The following F13A1 variants were observed in gnomAD, a reference collection of about 807,000 sequenced individuals.
The protein encoded by F13A1 is FSF, A subunit.
F13A1 carries 47 observed loss-of-function variants against 80.1 expected under a neutral mutation model. The observed-to-expected ratio is 0.59, with a 90% CI of 0.46 to 0.75. The LOEUF is 0.75. Ranked by LOEUF, F13A1 falls within the 30% of genes least tolerant of loss-of-function variation. F13A1 has a pLI of 0.00. For synonymous variants in F13A1, 349 were observed against 344.9 expected, an observed-to-expected ratio of 1.01 and a Z score of -0.13; for missense variants, 817 against 930.4, an observed-to-expected ratio of 0.88 and a Z score of 1.59.
chr6:6,318,489 G>T (rs371242244), intron 2 of F13A1, 46 bp downstream of exon 2: 2 of 1,584,912 alleles, frequency 1.3e-6, no homozygotes, highest in Non-Finnish European at 1.7e-6. Flanking sequence ...CCAGGGCCCG[G>T]CTGTGCCTGG....
At chr6:6,318,961 A>T (rs1381408712) in intron 1 of F13A1, among the ~76,000 whole-genome samples, 1 of 152,220 alleles carries the variant, frequency 6.6e-6, no homozygotes, top group Non-Finnish European at 1.5e-5. Context: ...TAAAAATTAA[A>T]AGATTTTTGG....
chr6:6,218,029 C>T (rs1414405264), intron 8 of F13A1, among the ~76,000 whole-genome samples: 1 of 152,128 alleles, frequency 6.6e-6, no homozygotes, highest in Non-Finnish European at 1.5e-5. Context: ...ACACTGCTCC[C>T]CCTGTGGGTG....
chr6:6,145,567 G>A lies in F13A1; in HGVS notation c.*52C>T. On this transcript the variant is annotated 3_prime_UTR_variant, in exon 15 of 15. Transcript: ENST00000264870. The stretch of plus-strand genomic sequence containing the variant: ...CTATTTTTGCGTTAGAATTTCCTTA[G>A]CCAAGACTACAAGAGGCCAAATGCC... The A allele has an allele frequency of 6.2e-7, 1 of 1,612,954 alleles. No homozygotes were observed. Among genetic ancestry groups the A allele is most frequent in the Non-Finnish European group, 8.5e-7 (1 of 1,179,032 alleles).
intron 8 of F13A1, among the ~76,000 whole-genome samples, chr6:6,212,856 C>T (rs1469698724): frequency 6.6e-6 from 1 of 152,062 alleles, no homozygotes; most frequent in African/African-American, 2.4e-5. Context: ...AGCTGAAAAG[C>T]AAGGCTCGAG....
intron 3 of F13A1, among the ~76,000 whole-genome samples, chr6:6,296,121 C>A (rs1294132069): frequency 6.6e-6 from 1 of 150,850 alleles, no homozygotes; most frequent in Non-Finnish European, 1.5e-5. Flanking sequence ...GTTTTGGTAC[C>A]AGTACTATGC....
rs149975306 is a variant in F13A1 at position 6,191,170 on chromosome 6, G to C, written c.1305+4627C>G. Among the ~76,000 whole-genome samples, 658 of 152,298 alleles carry C rather than the reference G, an allele frequency of 4.3e-3. 5 individuals are homozygous for C. The highest frequency in any genetic ancestry group is 0.015 in the African/African-American group (622 of 41,560). On this transcript the variant is annotated intron_variant, in intron 10 of 14. Coordinates refer to ENST00000264870, the MANE Select transcript of F13A1 (RefSeq NM_000129.4). ...ACCCGGTACCTCAGATGGAAATGCA[G>C]AAATCACCAGTCTTCTGCGTCACTC...
At chr6:6,319,743 T>C (rs1758744391) in intron 1 of F13A1, among the ~76,000 whole-genome samples, 1 of 152,112 alleles carries the variant, frequency 6.6e-6, no homozygotes, top group Non-Finnish European at 1.5e-5. Flanking sequence ...TGTGGAGCAC[T>C]AACAACATGC....
chr6:6,232,540 G>A (rs945065947), intron 6 of F13A1, among the ~76,000 whole-genome samples: 1 of 152,180 alleles, frequency 6.6e-6, no homozygotes, highest in Non-Finnish European at 1.5e-5. Context: ...CACTAGACAG[G>A]TCATCAAGAC....
chr6:6,232,548 G>C (rs1161668431), intron 6 of F13A1, among the ~76,000 whole-genome samples: 1 of 152,130 alleles, frequency 6.6e-6, no homozygotes, highest in East Asian at 1.9e-4. Flanking sequence ...AGGTCATCAA[G>C]ACAGAAAGTC....
chr6:6,232,499 G>A (rs1266655297), intron 6 of F13A1, among the ~76,000 whole-genome samples: 2 of 152,058 alleles, frequency 1.3e-5, no homozygotes, highest in African/African-American at 4.8e-5. Flanking sequence ...TAAGACAATA[G>A]TAGTGGAGGA....
At chr6:6,228,826 C>T (rs1357148723) in intron 6 of F13A1, among the ~76,000 whole-genome samples, 3 of 151,620 alleles carry the variant, frequency 2.0e-5, no homozygotes, top group African/African-American at 4.9e-5. Flanking sequence ...AAAGTATCTG[C>T]ACCTTAAAAG....
chr6:6,308,677 A>G (rs147907292), intron 2 of F13A1, among the ~76,000 whole-genome samples: 8 of 140,820 alleles, frequency 5.7e-5, no homozygotes, highest in Non-Finnish European at 1.2e-4. Flanking sequence ...CAGTGGTGCA[A>G]TTTCAGCTCA....
At chr6:6,192,340 G>A (rs1761216173) in intron 10 of F13A1, among the ~76,000 whole-genome samples, 1 of 152,146 alleles carries the variant, frequency 6.6e-6, no homozygotes, top group Admixed American at 6.5e-5. Flanking sequence ...GCAAGAGGGG[G>A]ATCAGGGAGA....
At chr6:6,293,786 G>GGAGA (rs1583114835) in intron 3 of F13A1, among the ~76,000 whole-genome samples, 1 of 33,220 alleles carries the variant, frequency 3.0e-5, no homozygotes, top group Non-Finnish European at 6.2e-5. Context: ...AGAGAGAGAG[G>GGAGA]GAGGGAGGGA....
rs1367532674 is a variant in F13A1 at position 6,266,898 on chromosome 6, G to T, written c.320-89C>A. On this transcript the variant is annotated intron_variant, in intron 3 of 14. Transcript: ENST00000264870. ...TGTTATCTTATAGCTGAAGGGACAG[G>T]AGTAATCCATTAGAATTATTCTTGA... The T allele has an allele frequency of 1.9e-6, 3 of 1,542,200 alleles. No individual in the cohort carries two copies. The Admixed American group carries it at 5.0e-5, about 26-fold the overall frequency.
At chr6:6,163,891 C>T (rs1006502381) in intron 13 of F13A1, among the ~76,000 whole-genome samples, 4 of 152,238 alleles carry the variant, frequency 2.6e-5, no homozygotes, top group African/African-American at 9.6e-5. Flanking sequence ...AATGGCCACA[C>T]TGTTTTCCAC....
At chr6:6,301,311 G>A (rs928042045) in intron 3 of F13A1, among the ~76,000 whole-genome samples, 3 of 152,118 alleles carry the variant, frequency 2.0e-5, no homozygotes, top group African/African-American at 7.2e-5. Context: ...CTCTACCATG[G>A]GTCCTTCCAC....
At chr6:6,226,087 A>G (rs145483742) in intron 6 of F13A1, among the ~76,000 whole-genome samples, 1 of 152,338 alleles carries the variant, frequency 6.6e-6, no homozygotes, top group Non-Finnish European at 1.5e-5. Context: ...CCAAGAGGTA[A>G]CAGTTTCAAG....
intron 8 of F13A1, among the ~76,000 whole-genome samples, chr6:6,220,751 A>T (rs998097883): frequency 3.9e-5 from 6 of 152,212 alleles, no homozygotes; most frequent in African/African-American, 1.4e-4. Flanking sequence ...AGTGTTCTTT[A>T]AATTTCTGTT....
Sources: gnomAD v4.1 joint callset for allele counts (sites outside exome capture counted in the v4.1 genomes callset) on GRCh38, gnomAD v4.1.1 for gene constraint, MANE v1.5 for transcripts, NCBI Gene and HGNC (gene_info 2026-07-23, HGNC 2026-07-21) for gene names.